The following P2RX7 variants were observed in gnomAD, a reference collection of about 807,000 sequenced individuals.
The protein encoded by P2RX7 is P2X purinoceptor 7.
Under a neutral mutation model 71.6 loss-of-function variants are expected in P2RX7, and 62 were observed. The ratio of observed to expected loss-of-function variants is 0.87; its 90% CI spans 0.71 to 1.07. P2RX7 has a LOEUF of 1.07. Among genes scored for constraint, P2RX7 ranks in the 50% least tolerant of loss-of-function variants. P2RX7 has a pLI of 0.00. For synonymous variants in P2RX7, 299 were observed against 283.3 expected (o/e 1.06, Z -0.56); for missense variants, 686 against 748.5 (o/e 0.92, Z 0.97).
In P2RX7 at chr12:121,133,051, C is replaced by A; in HGVS notation, c.81C>A (p.Gly27=). ...CTCGGATCCAGAGCATGAATTATGG[C>A]ACCATTAAGTGGTTCTTCCACGTGA... is the stretch of plus-strand genomic sequence containing the variant. ...KVTRIQSMNY[G]TIKWFFHVII... The change falls in exon 1 of 13, where the codon GGC becomes GGA. Residue 27 remains glycine (G), a synonymous_variant. Transcript: ENST00000328963. 6.2e-7 allele frequency: 1 copy of A among 1,614,098 alleles called. No homozygotes were observed. The highest frequency in any genetic ancestry group is 1.1e-5 in the South Asian group (1 of 91,082).
At chr12:121,172,506 C>A (rs1165935785) in intron 8 of P2RX7, among the ~76,000 whole-genome samples, 1 of 152,138 alleles carries the variant, frequency 6.6e-6, no homozygotes, top group Non-Finnish European at 1.5e-5. Flanking sequence ...ATGGTTTGCA[C>A]CTGTAGTCCC....
chr12:121,176,499 TC>T (rs1883154858), intron 9 of P2RX7, among the ~76,000 whole-genome samples: 1 of 152,102 alleles, frequency 6.6e-6, no homozygotes, highest in Non-Finnish European at 1.5e-5. Context: ...ATGCCTGTAA[TC>T]CCAGCTCTTT....
At chr12:121,179,188 A>G (rs1448572438) in intron 11 of P2RX7, among the ~76,000 whole-genome samples, 1 of 152,048 alleles carries the variant, frequency 6.6e-6, no homozygotes, top group Non-Finnish European at 1.5e-5. Flanking sequence ...CCAAAGATAA[A>G]TCTCTGGTAC....
intron 1 of P2RX7, among the ~76,000 whole-genome samples, chr12:121,138,058 G>A (rs1874075177): frequency 6.6e-6 from 1 of 151,812 alleles, no homozygotes; most frequent in Non-Finnish European, 1.5e-5. Context: ...TGTGTAGATA[G>A]GATGCTAAGC....
chr12:121,136,020 A>AC (rs1336904117), intron 1 of P2RX7, among the ~76,000 whole-genome samples: 1 of 50,854 alleles, frequency 2.0e-5, no homozygotes, highest in Non-Finnish European at 5.8e-5. Flanking sequence ...AAAAAAAAAA[A>AC]AAAATATATA....
chr12:121,155,088 A>C, intron 2 of P2RX7, 135 bp downstream of exon 2: 1 of 1,482,130 alleles, frequency 6.7e-7, no homozygotes, highest in South Asian at 1.3e-5. Context: ...GAACATCCCA[A>C]CTGAGAAAAC....
intron 8 of P2RX7, among the ~76,000 whole-genome samples, chr12:121,169,953 G>C (rs950769424): frequency 6.6e-6 from 1 of 152,022 alleles, no homozygotes; most frequent in African/African-American, 2.4e-5. Flanking sequence ...GTCCTATTTA[G>C]AAAGGGGCTG....
chr12:121,138,045 G>A (rs1248090365), intron 1 of P2RX7, among the ~76,000 whole-genome samples: 1 of 152,252 alleles, frequency 6.6e-6, no homozygotes, highest in Non-Finnish European at 1.5e-5. Context: ...TGTGTTGGAG[G>A]TCTGTGTAGA....
chr12:121,174,429 G>A (rs1882744624), intron 8 of P2RX7, among the ~76,000 whole-genome samples: 1 of 152,134 alleles, frequency 6.6e-6, no homozygotes, highest in Non-Finnish European at 1.5e-5. Context: ...GCTGAGGTGG[G>A]AGTATCACTT....
At chr12:121,145,891 C>T (rs1182480541) in intron 1 of P2RX7, among the ~76,000 whole-genome samples, 2 of 151,996 alleles carry the variant, frequency 1.3e-5, no homozygotes, top group African/African-American at 4.8e-5. Context: ...GGAGGGGAGG[C>T]ATTTTTAAGA....
chr12:121,166,522 C>T (rs2857588), intron 7 of P2RX7, among the ~76,000 whole-genome samples: 10,228 of 152,170 alleles, frequency 0.067, 387 homozygotes, highest in South Asian at 0.094. Flanking sequence ...GTGCTCCCTC[C>T]GGGACTTTAA....
intron 12 of P2RX7, among the ~76,000 whole-genome samples, chr12:121,181,795 T>G (rs2136166644): frequency 6.6e-6 from 1 of 151,832 alleles, no homozygotes; most frequent in East Asian, 1.9e-4. Flanking sequence ...AGGCAGAGCT[T>G]GCAGTGAGCC....
intron 1 of P2RX7, among the ~76,000 whole-genome samples, chr12:121,148,575 T>C (rs1876736573): frequency 6.6e-6 from 1 of 152,130 alleles, no homozygotes; most frequent in South Asian, 2.1e-4. Flanking sequence ...TGACTGACTT[T>C]AGGAGTCTGA....
intron 1 of P2RX7, among the ~76,000 whole-genome samples, chr12:121,133,359 C>T (rs1038819656): frequency 2.0e-5 from 3 of 152,200 alleles, no homozygotes; most frequent in Non-Finnish European, 2.9e-5. Flanking sequence ...CAGGGCGTGC[C>T]TGGGGAAGGT....
Position 121,184,378 on chromosome 12 carries a change from A to T in P2RX7, c.1364A>T (p.Gln455Leu), listed in dbSNP as rs199951326. Residue 455 changes from glutamine (Q) to leucine (L), a missense_variant, in exon 13 of 13, where the codon CAA becomes CTA. Physicochemically the swap from Gln to Leu is moderately radical, Grantham distance 113. Coordinates refer to ENST00000328963, the MANE Select transcript of P2RX7 (RefSeq NM_002562.6). ...CATGACACACCCCCGATTCCTGGACAACCAGAGGAGATACAGCTGCTTAGA... is the reference window on the plus strand; with the variant it reads ...CATGACACACCCCCGATTCCTGGACTACCAGAGGAGATACAGCTGCTTAGA... Reference protein sequence around the residue: ...ALHDTPPIPGQPEEIQLLRKE... With the variant: ...ALHDTPPIPGLPEEIQLLRKE... The T allele has an allele frequency of 1.9e-6, 3 of 1,614,148 alleles. No individual in the cohort carries two copies. In the East Asian group the frequency reaches 6.7e-5, roughly 36 times the overall value.
At chr12:121,161,529 G>A (rs938047457) in intron 4 of P2RX7, among the ~76,000 whole-genome samples, 7 of 148,758 alleles carry the variant, frequency 4.7e-5, no homozygotes, top group Non-Finnish European at 8.9e-5. Flanking sequence ...GCAGAGGCTG[G>A]TGCCTGTAAT....
rs1306153490 is a variant in P2RX7, at chr12:121,152,019, G to A, written c.126-2766G>A. On this transcript the variant is annotated intron_variant, in intron 1 of 12. Coordinates refer to ENST00000328963, the MANE Select transcript of P2RX7 (RefSeq NM_002562.6). The stretch of plus-strand genomic sequence containing the variant: ...TTTTCAAGGTTCATCAATATTACTC[G>A]CCCAGGCTGGAGTGCAGTAATGTGA... Among the ~76,000 whole-genome samples, 11 of 151,980 alleles carry A rather than the reference G, an allele frequency of 7.2e-5. No individual in the cohort carries two copies. The South Asian group carries it at 1.2e-3, about 17-fold the overall frequency.
rs547469731 is a variant in P2RX7 at position 121,186,173 on chromosome 12, C to G, written c.*1371C>G. 2.6e-5 allele frequency: 4 copies of G among 152,800 alleles called. No homozygotes were observed. The highest frequency in any genetic ancestry group is 2.0e-4 in the Admixed American group (3 of 15,292). The allele number at this position is 152,800 out of a possible 1,614,324, so 9.5% of individuals were successfully genotyped here. ...CCCCAGCTTTCAAGCCATCCAAGCC[C>G]AGTCACCAAACATGAGAGAGAAGAA... On this transcript the variant is annotated 3_prime_UTR_variant, in exon 13 of 13. Coordinates refer to ENST00000328963, the MANE Select transcript of P2RX7 (RefSeq NM_002562.6).
At chr12:121,155,012 C>G in intron 2 of P2RX7, 59 bp downstream of exon 2, 1 of 1,598,710 alleles carries the variant, frequency 6.3e-7, no homozygotes, top group Non-Finnish European at 8.5e-7. Context: ...CAGGGCCTAG[C>G]TCCCTTCCCC....
Sources: allele counts gnomAD v4.1 joint callset (sites outside exome capture counted in the v4.1 genomes callset), GRCh38; gene constraint gnomAD v4.1.1; transcripts MANE v1.5; gene names NCBI Gene and HGNC (gene_info 2026-07-23, HGNC 2026-07-21).